GNG2: variants seen among roughly 807,000 people sequenced by gnomAD.
GNG2 encodes G protein subunit gamma 2, also known as guanine nucleotide-binding protein G(I)/G(S)/G(O) subunit gamma-2.
In GNG2, 5 loss-of-function variants were observed where a neutral mutation model predicts 5.5. The ratio of observed to expected loss-of-function variants is 0.91; its 90% confidence interval spans 0.48 to 1.92. The LOEUF is 1.92. Ranked by LOEUF, GNG2 falls within the 30% of genes most tolerant of loss-of-function variation. The probability of loss-of-function intolerance (pLI) is 0.01; values close to 1 mark genes in which losing one functional copy is unlikely to be tolerated. For synonymous variants in GNG2, 28 were observed against 32.0 expected (o/e 0.88, Z 0.42); for missense variants, 55 against 88.4 (o/e 0.62, Z 1.52).
intron 2 of GNG2, 153 bp downstream of exon 2, chr14:51,877,810 A>G: frequency 4.6e-6 from 1 of 216,252 alleles, no homozygotes; most frequent in South Asian, 5.3e-5. Context: ...ATGACTTCAG[A>G]ATTTAAAGAA....
At chr14:51,849,318 C>T (rs980095795) in intron 2 of GNG2, among the ~76,000 whole-genome samples, 1 of 152,226 alleles carries the variant, frequency 6.6e-6, no homozygotes, top group African/African-American at 2.4e-5. Flanking sequence ...GTGGAAGCTA[C>T]AGGGCCTGTT....
At chr14:51,912,122 G>A (rs981311105) in intron 2 of GNG2, among the ~76,000 whole-genome samples, 2 of 126,714 alleles carry the variant, frequency 1.6e-5, no homozygotes, top group African/African-American at 6.5e-5. Context: ...TGAGTAAATG[G>A]CAGAACTGAG....
Position 51,968,647 on chromosome 14 carries a change from A to T in GNG2, c.*1960A>T, listed in dbSNP as rs1406788611. 2 of 152,226 alleles carry T rather than the reference A, an allele frequency of 1.3e-5. No homozygotes were observed. The allele number at this position is 152,226 out of a possible 1,614,324, so 9.4% of individuals were successfully genotyped here. A position where few individuals can be genotyped will look rare whatever the true frequency, so the allele number is the denominator to read the frequency against. ...CCCATGAAGATTTAGGGGTGAAAAA[A>T]ACAGCAGAGTATTTATTAAACTACA... On this transcript the variant is annotated 3_prime_UTR_variant, in exon 4 of 4. Coordinates refer to ENST00000556766, the MANE Select transcript of GNG2 (RefSeq NM_053064.5).
chr14:51,898,103 T>C (rs1011466122), intron 2 of GNG2, among the ~76,000 whole-genome samples: 3 of 152,200 alleles, frequency 2.0e-5, no homozygotes, highest in Non-Finnish European at 2.9e-5. Flanking sequence ...TGTGGTTACA[T>C]ATGTTAGAGA....
At chr14:51,871,017 G>A (rs1443328004) in intron 1 of GNG2, among the ~76,000 whole-genome samples, 5 of 152,156 alleles carry the variant, frequency 3.3e-5, no homozygotes, top group African/African-American at 1.2e-4. Flanking sequence ...TCTAGACTTT[G>A]CCAACAGAGC....
intron 2 of GNG2, among the ~76,000 whole-genome samples, chr14:51,886,491 T>C (rs1157747914): frequency 6.6e-6 from 1 of 152,206 alleles, no homozygotes; most frequent in East Asian, 1.9e-4. Flanking sequence ...AAATGCCAGC[T>C]GTATTGGAAA....
At chr14:51,896,655 T>C (rs540263449) in intron 2 of GNG2, among the ~76,000 whole-genome samples, 1 of 152,314 alleles carries the variant, frequency 6.6e-6, no homozygotes, top group South Asian at 2.1e-4. Context: ...GCAGATTTGA[T>C]TTACATAGAA....
At chr14:51,882,691 TC>T (rs1203470420) in intron 2 of GNG2, among the ~76,000 whole-genome samples, 2 of 152,204 alleles carry the variant, frequency 1.3e-5, no homozygotes, top group Admixed American at 6.5e-5. Flanking sequence ...AGAATTTGCA[TC>T]AGCTAGGTTG....
intron 2 of GNG2, among the ~76,000 whole-genome samples, chr14:51,921,413 C>G (rs1220449807): frequency 6.6e-6 from 1 of 152,084 alleles, no homozygotes; most frequent in African/African-American, 2.4e-5. Flanking sequence ...TACTCGAGAC[C>G]CTGGAGTGAA....
intron 2 of GNG2, among the ~76,000 whole-genome samples, chr14:51,900,373 G>A (rs1267032369): frequency 6.6e-6 from 1 of 151,874 alleles, no homozygotes; most frequent in East Asian, 1.9e-4. Flanking sequence ...GAAACACTGA[G>A]TGAAAAAACC....
At chr14:51,858,555 A>G (rs1566647691), upstream of GNG2, among the ~76,000 whole-genome samples, 2 of 152,236 alleles carry the variant, frequency 1.3e-5, no homozygotes, top group Admixed American at 6.5e-5. Context: ...AGAGTTAGAA[A>G]CAAAAAGACA....
chr14:51,905,630 C>A (rs963959982), intron 2 of GNG2, among the ~76,000 whole-genome samples: 2 of 152,162 alleles, frequency 1.3e-5, no homozygotes, highest in Non-Finnish European at 2.9e-5. Context: ...TCAACCATGG[C>A]AACAGAGGGG....
At chr14:51,916,239 T>C (rs1324826879) in intron 2 of GNG2, 6 of 265,112 alleles carry the variant, frequency 2.3e-5, no homozygotes, top group Non-Finnish European at 4.4e-5. Context: ...AGGCTAATTT[T>C]AGACAGAGAG....
At chr14:51,904,786 AT>A (rs1885802978) in intron 2 of GNG2, among the ~76,000 whole-genome samples, 2 of 152,188 alleles carry the variant, frequency 1.3e-5, no homozygotes, top group African/African-American at 4.8e-5. Flanking sequence ...TCGGTGTCAT[AT>A]TTGTGTCTTA....
intron 3 of GNG2, among the ~76,000 whole-genome samples, chr14:51,954,449 G>A (rs926449858): frequency 6.6e-6 from 1 of 152,154 alleles, no homozygotes; most frequent in African/African-American, 2.4e-5. Context: ...CACAAGAGGA[G>A]GGAACATGCA....
At chr14:51,874,113 G>A (rs974379724) in intron 1 of GNG2, 1 of 152,194 alleles carries the variant, frequency 6.6e-6, no homozygotes, top group Admixed American at 6.5e-5. Flanking sequence ...CTGTTTTTAA[G>A]ACTGTTTCTA....
At chr14:51,903,807 T>A (rs1885721740) in intron 2 of GNG2, among the ~76,000 whole-genome samples, 1 of 152,156 alleles carries the variant, frequency 6.6e-6, no homozygotes, top group South Asian at 2.1e-4. Context: ...CACCACCAAC[T>A]CTATGGTTTG....
At chr14:51,909,274 T>A (rs1019977509) in intron 2 of GNG2, among the ~76,000 whole-genome samples, 2 of 152,142 alleles carry the variant, frequency 1.3e-5, no homozygotes, top group Non-Finnish European at 2.9e-5. Context: ...ATCGTGTTTG[T>A]GCATAAGTCT....
At chr14:51,827,107 A>T (rs1450883686) in intron 1 of GNG2, among the ~76,000 whole-genome samples, 7 of 152,226 alleles carry the variant, frequency 4.6e-5, no homozygotes, top group African/African-American at 7.2e-5. Context: ...ACTTACCTGT[A>T]TGTAGAATAA....
Sources: gnomAD v4.1 joint callset for allele counts (sites outside exome capture counted in the v4.1 genomes callset) on GRCh38, gnomAD v4.1.1 for gene constraint, MANE v1.5 for transcripts, NCBI Gene and HGNC (gene_info 2026-07-23, HGNC 2026-07-21) for gene names.